CYTH3: variants seen among roughly 807,000 people sequenced by gnomAD.
The protein encoded by CYTH3 is cytohesin-3.
A neutral mutation model predicts 55.1 loss-of-function variants in CYTH3; 23 were observed. That is an observed-to-expected ratio of 0.42 (90% confidence interval 0.30 to 0.59). The LOEUF is 0.59. Among genes scored for constraint, CYTH3 ranks in the 20% least tolerant of loss-of-function variants. The pLI, the probability that CYTH3 is intolerant of heterozygous loss-of-function variation, is 0.20. For synonymous variants in CYTH3, 249 were observed against 194.9 expected (o/e 1.28, Z -2.31); for missense variants, 413 against 524.8 (o/e 0.79, Z 2.08).
intron 1 of CYTH3, among the ~76,000 whole-genome samples, chr7:6,223,264 G>A (rs1032096257): frequency 9.2e-5 from 14 of 151,718 alleles, no homozygotes; most frequent in South Asian, 4.2e-4. Flanking sequence ...GTGCCAGGCC[G>A]CCCCGTCTGG....
At chr7:6,257,231 C>T (rs1780152530) in intron 1 of CYTH3, among the ~76,000 whole-genome samples, 2 of 152,164 alleles carry the variant, frequency 1.3e-5, no homozygotes, top group African/African-American at 4.8e-5. Flanking sequence ...CTGGGAAATA[C>T]AGCCTCATCA....
Position 6,186,326 on chromosome 7 carries a change from G to A in CYTH3, c.249+724C>T, listed in dbSNP as rs116533645. Reference sequence around the variant, plus strand: ...ACCAGCTCTGCAGCGAGACCTTCCCGTGGACACGCCGTTCCTCTCCTCAAC... The same window carrying A: ...ACCAGCTCTGCAGCGAGACCTTCCCATGGACACGCCGTTCCTCTCCTCAAC... On this transcript the variant is annotated intron_variant, in intron 4 of 12. Transcript: ENST00000350796. Among the ~76,000 whole-genome samples the A allele has an allele frequency of 7.8e-3, 1,165 of 150,256 alleles. 29 individuals carry two copies. Among genetic ancestry groups the A allele is most frequent in the African/African-American group, 0.028 (1,130 of 40,808 alleles).
At chr7:6,254,179 A>G (rs532685411) in intron 1 of CYTH3, among the ~76,000 whole-genome samples, 19 of 152,078 alleles carry the variant, frequency 1.2e-4, no homozygotes, top group Non-Finnish European at 2.4e-4. Flanking sequence ...GCAAGACTCC[A>G]CCTCAAAAAC....
intron 1 of CYTH3, among the ~76,000 whole-genome samples, chr7:6,259,800 TATATATATATATAA>T (rs1780283940): frequency 2.0e-4 from 5 of 25,512 alleles, no homozygotes; most frequent in African/African-American, 4.7e-4. Context: ...TATATATATA[TATATATATATATAA>T]TATATATATA....
At position 6,241,409 on chromosome 7, in the gene CYTH3, T is replaced by C. The variant is rs6969795; in HGVS notation, c.34+31065A>G. Among the ~76,000 whole-genome samples the C allele has an allele frequency of 1.1e-4, 16 of 152,300 alleles. No individual in the cohort carries two copies. The South Asian group carries it at 2.5e-3, about 24-fold the overall frequency. ...ATCAGACTGGCAAAAATCCGAAAGT[T>C]TGACAGACTACCTGTTGACAAAACT... On this transcript the variant is annotated intron_variant, in intron 1 of 12. Transcript: ENST00000350796.
rs920466521 is a variant in CYTH3 at position 6,258,054 on chromosome 7, A to G, written c.34+14420T>C. On this transcript the variant is annotated intron_variant, in intron 1 of 12. Coordinates refer to ENST00000350796, the MANE Select transcript of CYTH3 (RefSeq NM_004227.4). Reference sequence around the variant, plus strand: ...ACGGTGGCTCACTCCTGGGAGGATCACTTGAGGCCAGGAGTTTAGGACCAG... The same window carrying G: ...ACGGTGGCTCACTCCTGGGAGGATCGCTTGAGGCCAGGAGTTTAGGACCAG... 5.3e-5 allele frequency among the ~76,000 whole-genome samples: 8 copies of G among 152,202 alleles called. No individual in the cohort carries two copies. The East Asian group carries it at 1.5e-3, about 29-fold the overall frequency.
chr7:6,194,982 T>C (rs1046934903), intron 1 of CYTH3, among the ~76,000 whole-genome samples: 1 of 150,984 alleles, frequency 6.6e-6, no homozygotes, highest in East Asian at 1.9e-4. Context: ...TCTCAAAAAA[T>C]AAATAAATAA....
intron 1 of CYTH3, among the ~76,000 whole-genome samples, chr7:6,234,690 G>A (rs767582799): frequency 6.6e-6 from 1 of 152,168 alleles, no homozygotes; most frequent in Middle Eastern, 3.4e-3. Context: ...GTGCAAACTG[G>A]GAGAGCTGTA....
At chr7:6,238,223 TTCAA>T (rs1435660762) in intron 1 of CYTH3, among the ~76,000 whole-genome samples, 1 of 152,030 alleles carries the variant, frequency 6.6e-6, no homozygotes, top group Non-Finnish European at 1.5e-5. Context: ...TTAAATTCAC[TTCAA>T]TATTTTTTTA....
At chr7:6,185,378 G>T (rs1401089240) in intron 4 of CYTH3, among the ~76,000 whole-genome samples, 1 of 151,416 alleles carries the variant, frequency 6.6e-6, no homozygotes, top group Non-Finnish European at 1.5e-5. Context: ...CTGAGGTCAG[G>T]AGTTCGAGAC....
At chr7:6,212,270 C>T (rs1311748995) in intron 1 of CYTH3, among the ~76,000 whole-genome samples, 8 of 152,202 alleles carry the variant, frequency 5.3e-5, no homozygotes, top group South Asian at 4.1e-4. Context: ...AATGGCTACA[C>T]GCATGTGCCA....
intron 1 of CYTH3, among the ~76,000 whole-genome samples, chr7:6,262,128 A>G (rs1780367293): frequency 6.6e-6 from 1 of 152,148 alleles, no homozygotes; most frequent in South Asian, 2.1e-4. Context: ...TATAAGTCAG[A>G]AGAAGATACA....
In CYTH3 at chr7:6,164,826, G is replaced by A. The variant is rs1333520828; in HGVS notation, c.*118C>T. ...ACCACCTGGGCCACGGTATGCTCTG[G>A]AGCAGCAGCTTGCACCGCAGGGCGA... On this transcript the variant is annotated 3_prime_UTR_variant, in exon 13 of 13. Coordinates refer to ENST00000350796, the MANE Select transcript of CYTH3 (RefSeq NM_004227.4). 5.2e-6 allele frequency: 6 copies of A among 1,148,702 alleles called. No homozygotes were observed. Among genetic ancestry groups the A allele is most frequent in the Non-Finnish European group, 6.5e-6 (5 of 771,390 alleles). The allele number at this position is 1,148,702 out of a possible 1,614,324, so 71.2% of individuals were successfully genotyped here.
At chr7:6,196,362 G>C (rs1471356513) in intron 1 of CYTH3, among the ~76,000 whole-genome samples, 1 of 151,446 alleles carries the variant, frequency 6.6e-6, no homozygotes, top group Admixed American at 6.6e-5. Flanking sequence ...AATGCCCAGA[G>C]AGATCAAATA....
At chr7:6,188,916 C>T (rs934574408) in intron 2 of CYTH3, 1 of 152,216 alleles carries the variant, frequency 6.6e-6, no homozygotes, top group Non-Finnish European at 1.5e-5. Flanking sequence ...CCATGAATTA[C>T]CTTTCAAATA....
rs1297791652 is a variant in CYTH3 at position 6,171,379 on chromosome 7, G to A, written c.450-65C>T. 1 of 1,506,284 alleles carries A rather than the reference G, an allele frequency of 6.6e-7. No homozygotes were observed. The highest frequency in any genetic ancestry group is 9.2e-7 in the Non-Finnish European group (1 of 1,085,830). The allele number at this position is 1,506,284 out of a possible 1,614,324, so 93.3% of individuals were successfully genotyped here. ...CAACACCGCCTCACGGCCAAGGGCG[G>A]CTTCTGCCCAGCTCAGGAAGGACGT... is the stretch of plus-strand genomic sequence containing the variant. On this transcript the variant is annotated intron_variant, in intron 6 of 12. Coordinates refer to ENST00000350796, the MANE Select transcript of CYTH3 (RefSeq NM_004227.4). This position sits in a 1 kb window ranked among gnomAD's most constrained non-coding sequence, Gnocchi z 6.7.
chr7:6,178,076 T>C, intron 4 of CYTH3, 135 bp from the exon 5 acceptor site: 2 of 629,802 alleles, frequency 3.2e-6, no homozygotes, highest in Admixed American at 2.6e-5. Context: ...CCCATACAAC[T>C]GCACAATCTG....
At chr7:6,202,541 G>A (rs540009250) in intron 1 of CYTH3, among the ~76,000 whole-genome samples, 1 of 145,802 alleles carries the variant, frequency 6.9e-6, no homozygotes, top group African/African-American at 2.5e-5. Context: ...TCAGCTCACC[G>A]CAACCTCCGC....
intron 1 of CYTH3, among the ~76,000 whole-genome samples, chr7:6,230,521 T>G (rs1779364635): frequency 1.3e-5 from 2 of 152,188 alleles, no homozygotes; most frequent in Admixed American, 1.3e-4. Flanking sequence ...TTCTGTGTCT[T>G]AGGGGACTGA....
Sources: gnomAD v4.1 joint callset for allele counts (sites outside exome capture counted in the v4.1 genomes callset) on GRCh38, gnomAD v4.1.1 for gene constraint, Gnocchi (gnomAD v3.1) non-coding constraint, MANE v1.5 for transcripts, NCBI Gene and HGNC (gene_info 2026-07-23, HGNC 2026-07-21) for gene names.